Variants in CNTN4 observed in about 807,000 individuals in gnomAD.
CNTN4 encodes the protein contactin-4.
In CNTN4, 77 loss-of-function variants were observed where a neutral mutation model predicts 122.5. That is an observed-to-expected ratio of 0.63 (90% CI 0.52 to 0.76). The LOEUF (loss-of-function observed/expected upper bound fraction) is 0.76, where lower values mean the gene tolerates loss of function less well. Ranked by LOEUF, CNTN4 falls within the 30% of genes least tolerant of loss-of-function variation. CNTN4 has a pLI of 0.00. For missense variants in CNTN4, 1,256 were observed against 1,259.1 expected, an observed-to-expected ratio of 1.00 and a Z score of 0.04; for synonymous variants, 512 against 447.0, an observed-to-expected ratio of 1.15 and a Z score of -1.83.
At chr3:2,570,336 G>A (rs1308749129) in intron 3 of CNTN4, among the ~76,000 whole-genome samples, 3 of 151,828 alleles carry the variant, frequency 2.0e-5, no homozygotes, top group African/African-American at 4.8e-5. Flanking sequence ...ACCATGCCAG[G>A]CTGATTTTTA....
intron 12 of CNTN4, among the ~76,000 whole-genome samples, chr3:2,915,258 GA>G (rs2151265560): frequency 6.6e-6 from 1 of 152,254 alleles, no homozygotes; most frequent in Non-Finnish European, 1.5e-5. Flanking sequence ...TAGAGACGGG[GA>G]TTCACCATGT....
chr3:2,453,695 G>A (rs562721971), intron 3 of CNTN4, among the ~76,000 whole-genome samples: 39 of 152,178 alleles, frequency 2.6e-4, no homozygotes, highest in African/African-American at 9.4e-4. Context: ...AAAAATATTA[G>A]CACATTTGAT....
At chr3:2,300,560 C>CTTTTTTTTTTTT (rs575192976) in intron 2 of CNTN4, among the ~76,000 whole-genome samples, 1 of 61,998 alleles carries the variant, frequency 1.6e-5, no homozygotes, top group African/African-American at 5.8e-5. Context: ...CAGTGACCGT[C>CTTTTTTTTTTTT]TTTTTTTTTT....
At chr3:2,384,713 C>G (rs1228013494) in intron 3 of CNTN4, among the ~76,000 whole-genome samples, 3 of 151,946 alleles carry the variant, frequency 2.0e-5, no homozygotes, top group Non-Finnish European at 4.4e-5. Flanking sequence ...GCAGCTCTCA[C>G]ATGTAAATTT....
At chr3:2,672,651 C>G (rs913119269) in intron 4 of CNTN4, among the ~76,000 whole-genome samples, 1 of 152,198 alleles carries the variant, frequency 6.6e-6, no homozygotes, top group Non-Finnish European at 1.5e-5. Flanking sequence ...TACCTGGTAC[C>G]TCAGTTGGAA....
chr3:2,977,669 C>T (rs1384250618), intron 13 of CNTN4, among the ~76,000 whole-genome samples: 1 of 152,152 alleles, frequency 6.6e-6, no homozygotes, highest in African/African-American at 2.4e-5. Context: ...TTCCTCTGCC[C>T]CTCGTCTAAG....
At chr3:2,419,280 C>T (rs886210835) in intron 3 of CNTN4, among the ~76,000 whole-genome samples, 3 of 152,078 alleles carry the variant, frequency 2.0e-5, no homozygotes, top group Non-Finnish European at 4.4e-5. Flanking sequence ...TCTAATGTAG[C>T]TTTCTGTATC....
intron 3 of CNTN4, among the ~76,000 whole-genome samples, chr3:2,376,426 G>A (rs1483588828): frequency 6.6e-6 from 1 of 152,150 alleles, no homozygotes; most frequent in Non-Finnish European, 1.5e-5. Context: ...ACAGAAGGTG[G>A]ATGACTTTTC....
intron 2 of CNTN4, among the ~76,000 whole-genome samples, chr3:2,205,836 C>A (rs1306621148): frequency 6.6e-6 from 1 of 152,002 alleles, no homozygotes; most frequent in Non-Finnish European, 1.5e-5. Flanking sequence ...AAATAAACTT[C>A]TGTAATGAGT....
intron 14 of CNTN4, among the ~76,000 whole-genome samples, chr3:2,997,695 T>C (rs914844540): frequency 6.6e-6 from 1 of 152,232 alleles, no homozygotes; most frequent in African/African-American, 2.4e-5. Flanking sequence ...TCTGATTTAC[T>C]GTAGAAGATC....
intron 6 of CNTN4, among the ~76,000 whole-genome samples, chr3:2,806,002 C>T (rs62234195): frequency 0.24 from 36,773 of 151,924 alleles, 5,390 homozygotes; most frequent in East Asian, 0.44. Context: ...CCCGGGTTCA[C>T]GCCATTCTCC....
chr3:2,917,242 A>G (rs2094375646), intron 12 of CNTN4, among the ~76,000 whole-genome samples: 2 of 151,916 alleles, frequency 1.3e-5, no homozygotes, highest in African/African-American at 4.8e-5. Context: ...GTGAGCCGAG[A>G]TGGCAGCAGC....
intron 6 of CNTN4, among the ~76,000 whole-genome samples, chr3:2,814,794 G>A (rs757725582): frequency 3.9e-5 from 6 of 152,166 alleles, no homozygotes; most frequent in Non-Finnish European, 8.8e-5. Context: ...CGTGAAGAAG[G>A]TGCTGCACCT....
intron 8 of CNTN4, 179 bp from the exon 9 acceptor site, chr3:2,882,966 C>A: frequency 1.8e-6 from 1 of 554,038 alleles, no homozygotes; most frequent in Non-Finnish European, 3.3e-6. Flanking sequence ...TTTTCTGTAG[C>A]AGTAACTGGG....
chr3:2,724,567 G>C (rs1238904149), intron 4 of CNTN4, among the ~76,000 whole-genome samples: 1 of 152,102 alleles, frequency 6.6e-6, no homozygotes, highest in African/African-American at 2.4e-5. Context: ...CATTCACTAT[G>C]TGCCAAATTA....
At chr3:2,983,598 A>G (rs577639213) in intron 13 of CNTN4, among the ~76,000 whole-genome samples, 1 of 152,352 alleles carries the variant, frequency 6.6e-6, no homozygotes, top group African/African-American at 2.4e-5. Flanking sequence ...AGCACCGCAC[A>G]TCTTAACAAC....
intron 6 of CNTN4, among the ~76,000 whole-genome samples, chr3:2,795,141 G>A (rs981779942): frequency 2.0e-5 from 3 of 152,132 alleles, no homozygotes; most frequent in African/African-American, 7.2e-5. Context: ...GTTTTAGTAA[G>A]AGTTATCAAA....
intron 4 of CNTN4, among the ~76,000 whole-genome samples, chr3:2,690,700 G>A (rs1190945290): frequency 6.6e-6 from 1 of 152,104 alleles, no homozygotes; most frequent in Non-Finnish European, 1.5e-5. Context: ...GTCTGTTTTT[G>A]TACAGCACAT....
chr3:2,929,760 C>T (rs2094503954), intron 13 of CNTN4, among the ~76,000 whole-genome samples: 1 of 152,218 alleles, frequency 6.6e-6, no homozygotes, highest in African/African-American at 2.4e-5. Flanking sequence ...ACTGATCAGG[C>T]AGACGTGAGT....
Sources: gnomAD v4.1 joint callset for allele counts (sites outside exome capture counted in the v4.1 genomes callset) on GRCh38, gnomAD v4.1.1 for gene constraint, MANE v1.5 for transcripts, NCBI Gene and HGNC (gene_info 2026-07-23, HGNC 2026-07-21) for gene names.